Variants in ZNF813 observed in about 807,000 individuals in gnomAD.
The protein encoded by ZNF813 is zinc finger protein 813.
A neutral mutation model predicts 7.2 loss-of-function variants in ZNF813; 3 were observed. The observed-to-expected ratio is 0.42, with a 90% CI of 0.19 to 1.08. The LOEUF is 1.08. Ranked by LOEUF, ZNF813 falls within the 50% of genes least tolerant of loss-of-function variation. The probability of loss-of-function intolerance (pLI) is 0.30; values close to 1 mark genes in which losing one functional copy is unlikely to be tolerated. For synonymous variants in ZNF813, 227 were observed against 256.3 expected (o/e 0.89, Z 1.09); for missense variants, 714 against 753.3 (o/e 0.95, Z 0.61).
chr19:53,476,367 G>C (rs956529619), intron 1 of ZNF813, among the ~76,000 whole-genome samples: 83 of 151,916 alleles, frequency 5.5e-4, no homozygotes, highest in Admixed American at 1.0e-3. Context: ...ATGGTGGCTC[G>C]CGCCTGTAAT....
chr19:53,473,669 T>C (rs2086369723), intron 1 of ZNF813, among the ~76,000 whole-genome samples: 1 of 152,226 alleles, frequency 6.6e-6, no homozygotes, highest in Non-Finnish European at 1.5e-5. Flanking sequence ...GTTTAAGCGG[T>C]GTACTGGATC....
rs1216722205 is a variant in ZNF813, at chr19:53,494,140, T to TACTC, written c.*2055_*2056insCTCA. 1 of 152,230 alleles carries TACTC rather than the reference T, an allele frequency of 6.6e-6. No individual in the cohort carries two copies. Among genetic ancestry groups the TACTC allele is most frequent in the Non-Finnish European group, 1.5e-5 (1 of 68,038 alleles). The allele number at this position is 152,230 out of a possible 1,614,324, so 9.4% of individuals were successfully genotyped here. A position where few individuals can be genotyped will look rare whatever the true frequency, so the allele number is the denominator to read the frequency against. ...ATCCCAGAAATAAGTGGCACTTGAG[T>TACTC]ATCTACAGTCCTTTTTACATCCTCT... On this transcript the variant is annotated 3_prime_UTR_variant, in exon 4 of 4. Transcript: ENST00000396403.
In ZNF813 at chr19:53,483,634, C is replaced by T. The variant is rs1425335896; in HGVS notation, c.-73-116C>T. 2.4e-5 allele frequency: 25 copies of T among 1,037,948 alleles called. No individual in the cohort carries two copies. The East Asian group carries it at 3.5e-4, about 15-fold the overall frequency. 64.3% of individuals were successfully genotyped at this position (1,037,948 alleles called of 1,614,324 possible). ...AGGAGTTTATTGTCCCTGGTGTGGT[C>T]GGCAGCATAGGGGACCGTATTTCCT... On this transcript the variant is annotated intron_variant, in intron 1 of 3. Transcript: ENST00000396403.
intron 2 of ZNF813, among the ~76,000 whole-genome samples, 189 bp downstream of exon 2, chr19:53,484,026 G>A (rs540552596): frequency 6.6e-6 from 1 of 152,116 alleles, no homozygotes; most frequent in East Asian, 1.9e-4. Context: ...CATGAACTTG[G>A]GAAGAGGCTG....
chr19:53,492,167 A>G lies in ZNF813; in HGVS notation c.*81A>G, dbSNP rs150978427. The G allele has an allele frequency of 3.7e-4, 571 of 1,533,098 alleles. No homozygotes were observed. The highest frequency in any genetic ancestry group is 1.0e-3 in the East Asian group (44 of 42,518). The allele number at this position is 1,533,098 out of a possible 1,614,324, so 95.0% of individuals were successfully genotyped here. A position where few individuals can be genotyped will look rare whatever the true frequency, so the allele number is the denominator to read the frequency against. ...GAGTGTGGCAAGACCTTCTGTCACA[A>G]TTCAGTCCTTGTAATTCATAAGAAT... On this transcript the variant is annotated 3_prime_UTR_variant, in exon 4 of 4. Coordinates refer to ENST00000396403, the MANE Select transcript of ZNF813 (RefSeq NM_001004301.4).
intron 1 of ZNF813, among the ~76,000 whole-genome samples, chr19:53,470,736 T>G (rs191901393): frequency 1.7e-3 from 261 of 151,204 alleles, no homozygotes; most frequent in African/African-American, 6.0e-3. Context: ...TTTTTATTCT[T>G]GCAGTTATTT....
In ZNF813 at chr19:53,495,923, A is replaced by C; in HGVS notation, c.*3837A>C. On this transcript the variant is annotated 3_prime_UTR_variant, in exon 4 of 4. Transcript: ENST00000396403. ...TTTCAGATTTAAGCAATACCTGGCCAAGAAACAAAAGCAAAATCATTCCAT... is the reference window on the plus strand; with the variant it reads ...TTTCAGATTTAAGCAATACCTGGCCCAGAAACAAAAGCAAAATCATTCCAT... The C allele has an allele frequency of 3.1e-6, 1 of 326,118 alleles. No homozygotes were observed. Among genetic ancestry groups the C allele is most frequent in the Non-Finnish European group, 6.1e-6 (1 of 164,484 alleles). 20.2% of individuals were successfully genotyped at this position (326,118 alleles called of 1,614,324 possible). A position where few individuals can be genotyped will look rare whatever the true frequency, so the allele number is the denominator to read the frequency against.
chr19:53,485,653 CAT>C (rs1248285703), intron 2 of ZNF813, among the ~76,000 whole-genome samples: 2 of 149,684 alleles, frequency 1.3e-5, no homozygotes, highest in East Asian at 2.0e-4. Context: ...TATGTCATGA[CAT>C]ATATACACAT....
At position 53,486,683 on chromosome 19, in the gene ZNF813, A is replaced by G; in HGVS notation, c.67A>G (p.Lys23Glu). 4 of 1,614,136 alleles carry G rather than the reference A, an allele frequency of 2.5e-6. No homozygotes were observed. The highest frequency in any genetic ancestry group is 1.3e-5 in the African/African-American group (1 of 75,054). The change falls in exon 3 of 4, where the codon AAA becomes GAA. Residue 23 changes from lysine to glutamate, a missense_variant. Lys to Glu is a moderately conservative substitution (Grantham distance 56, BLOSUM62 1). Coordinates refer to ENST00000396403, the MANE Select transcript of ZNF813 (RefSeq NM_001004301.4). ...VAIEFSQEEW[K>E]CLDPAQRTLY... ...CATAGAATTCTCTCAGGAGGAGTGG[A>G]AATGCCTGGACCCTGCTCAGAGGAC...
In ZNF813 at chr19:53,496,001, A is replaced by G; in HGVS notation, c.*3915A>G. 1 of 376,236 alleles carries G rather than the reference A, an allele frequency of 2.7e-6. No homozygotes were observed. Among genetic ancestry groups the G allele is most frequent in the Non-Finnish European group, 5.2e-6 (1 of 192,690 alleles). 23.3% of individuals were successfully genotyped at this position (376,236 alleles called of 1,614,324 possible). On this transcript the variant is annotated 3_prime_UTR_variant, in exon 4 of 4. Coordinates refer to ENST00000396403, the MANE Select transcript of ZNF813 (RefSeq NM_001004301.4). The stretch of plus-strand genomic sequence containing the variant: ...GTAATAAAATCAGGTACGACTCCAA[A>G]AGGAGACATTGGAGAAGAACGAAGC...
rs1361268024 is a variant in ZNF813 at position 53,494,140 on chromosome 19, TA to T, written c.*2055del. 6.6e-6 allele frequency: 1 copy of T among 152,230 alleles called. No individual in the cohort carries two copies. The highest frequency in any genetic ancestry group is 1.5e-5 in the Non-Finnish European group (1 of 68,038). 9.4% of individuals were successfully genotyped at this position (152,230 alleles called of 1,614,324 possible). A position where few individuals can be genotyped will look rare whatever the true frequency, so the allele number is the denominator to read the frequency against. On this transcript the variant is annotated 3_prime_UTR_variant, in exon 4 of 4. Coordinates refer to ENST00000396403, the MANE Select transcript of ZNF813 (RefSeq NM_001004301.4). ...ATCCCAGAAATAAGTGGCACTTGAG[TA>T]TCTACAGTCCTTTTTACATCCTCTT...
chr19:53,483,688 T>G, intron 1 of ZNF813, 62 bp from the exon 2 acceptor site: 1 of 1,497,692 alleles, frequency 6.7e-7, no homozygotes, highest in Non-Finnish European at 9.1e-7. Flanking sequence ...GTATGTGTTG[T>G]TGTGTTACAG....
At chr19:53,471,270 G>T (rs1367312293) in intron 1 of ZNF813, among the ~76,000 whole-genome samples, 1 of 152,088 alleles carries the variant, frequency 6.6e-6, no homozygotes, top group African/African-American at 2.4e-5. Context: ...AGATCTAATA[G>T]AGACCAGAGG....
At chr19:53,473,365 C>T (rs1276653984) in intron 1 of ZNF813, among the ~76,000 whole-genome samples, 3 of 152,122 alleles carry the variant, frequency 2.0e-5, no homozygotes, top group African/African-American at 7.2e-5. Flanking sequence ...GCTTGTCGTC[C>T]CCTCCAGCTT....
Position 53,491,074 on chromosome 19 carries a change from G to T in ZNF813, c.842G>T (p.Ser281Ile). The T allele has an allele frequency of 6.2e-7, 1 of 1,614,140 alleles. No homozygotes were observed. Among genetic ancestry groups the T allele is most frequent in the East Asian group, 2.2e-5 (1 of 44,888 alleles). ...YRCNECGKTF[S>I]QTYSLTCHRR... ...TGTAATGAGTGTGGCAAGACTTTCAGTCAGACGTATTCCCTTACATGCCAT... is the reference window on the plus strand; with the variant it reads ...TGTAATGAGTGTGGCAAGACTTTCATTCAGACGTATTCCCTTACATGCCAT... Residue 281 changes from serine (S) to isoleucine (I), a missense_variant, in exon 4 of 4, where the codon AGT becomes ATT. Ser to Ile is a moderately radical substitution (Grantham distance 142). Around this residue, in one of 3 missense-constraint regions of ZNF813, gnomAD observed 563 missense variants for 554.2 expected, o/e 1.02. Transcript: ENST00000396403.
intron 1 of ZNF813, among the ~76,000 whole-genome samples, chr19:53,470,246 G>A (rs985465289): frequency 6.6e-5 from 10 of 152,004 alleles, no homozygotes; most frequent in South Asian, 2.1e-4. Flanking sequence ...CTTCGACTTC[G>A]CAAACAGCGT....
At chr19:53,489,770 C>T (rs1415979372) in intron 3 of ZNF813, among the ~76,000 whole-genome samples, 1 of 152,084 alleles carries the variant, frequency 6.6e-6, no homozygotes, top group Non-Finnish European at 1.5e-5. Flanking sequence ...GCAATCTCAG[C>T]TCACTGCAAC....
chr19:53,481,922 C>G (rs774064016), intron 1 of ZNF813, among the ~76,000 whole-genome samples: 2 of 152,106 alleles, frequency 1.3e-5, no homozygotes, highest in Non-Finnish European at 2.9e-5. Flanking sequence ...CATTTCCAGG[C>G]CCCAATGTAA....
intron 1 of ZNF813, among the ~76,000 whole-genome samples, chr19:53,469,697 T>G: frequency 2.1e-5 from 3 of 143,114 alleles, no homozygotes; most frequent in Non-Finnish European, 3.0e-5. Flanking sequence ...GGAGGAGGGA[T>G]TTGGAGCCAG....
Sources: allele counts gnomAD v4.1 joint callset (sites outside exome capture counted in the v4.1 genomes callset), GRCh38; gene constraint gnomAD v4.1.1; regional missense constraint gnomAD v4.1.1; transcripts MANE v1.5; gene names NCBI Gene and HGNC (gene_info 2026-07-23, HGNC 2026-07-21).